Variants in ZNF292 observed in about 807,000 individuals in gnomAD.
The protein encoded by ZNF292 is zinc finger protein 292, also known as 16 zinc-finger domain protein.
Under a neutral mutation model 217.9 loss-of-function variants are expected in ZNF292, and 26 were observed. The observed-to-expected ratio is 0.12, with a 90% CI of 0.09 to 0.17. ZNF292 has a LOEUF of 0.17. ZNF292 is among the 10% of genes least tolerant of loss of function. The pLI, the probability that ZNF292 is intolerant of heterozygous loss-of-function variation, is 1.00. For synonymous variants in ZNF292, 1,257 were observed against 1,124.1 expected (o/e 1.12, Z -2.37); for missense variants, 2,904 against 3,175.2 (o/e 0.91, Z 2.05).
At position 87,254,812 on chromosome 6, in the gene ZNF292, C is replaced by T; in HGVS notation, c.1183C>T (p.Leu395Phe). Residue 395 changes from leucine (L) to phenylalanine (F), a missense_variant, in exon 8 of 8, where the codon CTT (leucine) becomes TTT (phenylalanine). Transcript: ENST00000369577. ...ACGTGCTTGTCAACTGAGTGAATTT[C>T]TTATTGAGCCTACAGTAGATGCGTA... ...VKRACQLSEF[L>F]IEPTVDAYYA... 6.2e-7 allele frequency: 1 copy of T among 1,613,862 alleles called. No homozygotes were observed.
At chr6:87,247,728 G>A (rs1385155251) in intron 7 of ZNF292, among the ~76,000 whole-genome samples, 1 of 151,922 alleles carries the variant, frequency 6.6e-6, no homozygotes, top group Non-Finnish European at 1.5e-5. Flanking sequence ...TTTCAGCAAA[G>A]GAATAATAGG....
At chr6:87,214,504 A>G (rs1772644368) in intron 1 of ZNF292, among the ~76,000 whole-genome samples, 1 of 152,106 alleles carries the variant, frequency 6.6e-6, no homozygotes, top group South Asian at 2.1e-4. Flanking sequence ...TCTGGGAAAG[A>G]TTGCAGTGTT....
chr6:87,169,342 C>G (rs9362401), intron 1 of ZNF292, among the ~76,000 whole-genome samples: 95,434 of 151,434 alleles, frequency 0.63, 31,597 homozygotes, highest in African/African-American at 0.84. Flanking sequence ...CGCCCAGCCT[C>G]CTTTTTTTTT....
At chr6:87,166,772 A>G (rs761204861) in intron 1 of ZNF292, among the ~76,000 whole-genome samples, 1 of 152,184 alleles carries the variant, frequency 6.6e-6, no homozygotes, top group Non-Finnish European at 1.5e-5. Context: ...ATAAATATGT[A>G]TGCATTTGTT....
intron 5 of ZNF292, among the ~76,000 whole-genome samples, chr6:87,234,558 CAAA>C (rs1038739720): frequency 8.4e-6 from 1 of 118,354 alleles, no homozygotes; most frequent in Non-Finnish European, 1.8e-5. Context: ...GACTCTGTCG[CAAA>C]AAAAAAAAAA....
Position 87,253,242 on chromosome 6 carries a change from T to TTG in ZNF292, c.1021-1408_1021-1407insTG, listed in dbSNP as rs1197544803. 2.2e-3 allele frequency among the ~76,000 whole-genome samples: 295 copies of TTG among 134,698 alleles called. 2 individuals carry two copies. The highest frequency in any genetic ancestry group is 8.3e-3 in the African/African-American group (287 of 34,708). 88.4% of individuals were successfully genotyped at this position (134,698 alleles called of 152,430 possible). A position where few individuals can be genotyped will look rare whatever the true frequency, so the allele number is the denominator to read the frequency against. On this transcript the variant is annotated intron_variant, in intron 7 of 7. Transcript: ENST00000369577. ...AGCCTTTTTTTTTTTTTTTTTTTTT[T>TTG]GAGACAGGGTCTCACTTTTGTCATG...
intron 2 of ZNF292, 111 bp downstream of exon 2, chr6:87,216,168 T>C: frequency 7.6e-7 from 1 of 1,324,048 alleles, no homozygotes; most frequent in Non-Finnish European, 1.0e-6. Flanking sequence ...ACATTAAATC[T>C]CAAGTCTTAT....
At chr6:87,165,869 C>T (rs184661034) in intron 1 of ZNF292, among the ~76,000 whole-genome samples, 2 of 151,842 alleles carry the variant, frequency 1.3e-5, no homozygotes, top group African/African-American at 2.4e-5. Flanking sequence ...GCGATTCTCC[C>T]GCCTCAGCTT....
At chr6:87,186,885 T>C (rs1386005988) in intron 1 of ZNF292, among the ~76,000 whole-genome samples, 1 of 152,208 alleles carries the variant, frequency 6.6e-6, no homozygotes, top group African/African-American at 2.4e-5. Flanking sequence ...TTAAAGTTTC[T>C]CTGAACGCGT....
chr6:87,175,694 C>A (rs896678098), intron 1 of ZNF292, among the ~76,000 whole-genome samples: 1 of 152,156 alleles, frequency 6.6e-6, no homozygotes, highest in Non-Finnish European at 1.5e-5. Flanking sequence ...TACTTGTAGA[C>A]CTGCATAGCA....
intron 4 of ZNF292, among the ~76,000 whole-genome samples, chr6:87,227,138 C>T (rs953624379): frequency 1.6e-4 from 24 of 152,054 alleles, no homozygotes; most frequent in Admixed American, 1.5e-3. Context: ...ATTCTATTTC[C>T]TGAAAATGTA....
chr6:87,211,251 T>G (rs900678580), intron 1 of ZNF292, among the ~76,000 whole-genome samples: 1 of 152,238 alleles, frequency 6.6e-6, no homozygotes, highest in African/African-American at 2.4e-5. Flanking sequence ...TTCTGTCTTA[T>G]AGGAAACAGG....
In ZNF292 at chr6:87,233,508, A is replaced by G; in HGVS notation, c.722A>G (p.Asn241Ser). 2 of 1,610,930 alleles carry G rather than the reference A, an allele frequency of 1.2e-6. No homozygotes were observed. Among genetic ancestry groups the G allele is most frequent in the African/African-American group, 1.3e-5 (1 of 75,044 alleles). The change falls in exon 5 of 8, where the codon AAT becomes AGT. Residue 241 changes from asparagine to serine, a missense_variant. Physicochemically the swap from Asn to Ser is conservative, Grantham distance 46 (BLOSUM62 1). Coordinates refer to ENST00000369577, the MANE Select transcript of ZNF292 (RefSeq NM_015021.3). ...YLVCLCTSSPNGKLIEEISEV... is the reference protein window; with the variant it reads ...YLVCLCTSSPSGKLIEEISEV... ...GTCTGTCTTTGTACATCATCACCAA[A>G]TGGAAAGTTAATCGAAGAGGTGAGT...
Position 87,260,694 on chromosome 6 carries a change from G to T in ZNF292, c.7065G>T (p.Lys2355Asn). 4 of 1,613,148 alleles carry T rather than the reference G, an allele frequency of 2.5e-6. No homozygotes were observed. Among genetic ancestry groups the T allele is most frequent in the Non-Finnish European group, 3.4e-6 (4 of 1,179,584 alleles). Reference sequence around the variant, plus strand: ...AGATTGTGCAGATTGAAGAAAATAAGCCTTATTCTCTGAAACGTGGGAAGC... The same window carrying T: ...AGATTGTGCAGATTGAAGAAAATAATCCTTATTCTCTGAAACGTGGGAAGC... ...NAKIVQIEEN[K>N]PYSLKRGKHV... The change falls in exon 8 of 8, where the codon AAG becomes AAT. Residue 2355 changes from lysine to asparagine, a missense_variant. Around this residue, in one of 15 missense-constraint regions of ZNF292, gnomAD observed 101 missense variants for 89.5 expected, o/e 1.13. Transcript: ENST00000369577.
intron 1 of ZNF292, among the ~76,000 whole-genome samples, chr6:87,200,409 A>G (rs1428275137): frequency 6.6e-6 from 1 of 152,206 alleles, no homozygotes; most frequent in African/African-American, 2.4e-5. Flanking sequence ...TATGAGAATT[A>G]ATTCAGTGGA....
At position 87,261,752 on chromosome 6, in the gene ZNF292, T is replaced by A; in HGVS notation, c.8123T>A (p.Val2708Asp). 6.2e-7 allele frequency: 1 copy of A among 1,612,868 alleles called. No homozygotes were observed. Among genetic ancestry groups the A allele is most frequent in the Non-Finnish European group, 8.5e-7 (1 of 1,179,182 alleles). The change falls in exon 8 of 8, where the codon GTT (valine) becomes GAT (aspartate). Residue 2708 changes from valine to aspartate, a missense_variant. Physicochemically the swap from Val to Asp is radical, Grantham distance 152. This residue lies in a region of ZNF292 where 380 missense variants were observed against 355.3 expected (regional missense o/e 1.07). Coordinates refer to ENST00000369577, the MANE Select transcript of ZNF292 (RefSeq NM_015021.3). ...CATTCAAATGATCCAGATATGTCTG[T>A]TATGAAAGATATCAGTATAGGTAAA... The part of the protein sequence containing the change: ...EVHSNDPDMS[V>D]MKDISIGKAT...
At chr6:87,186,489 G>A (rs1444465065) in intron 1 of ZNF292, among the ~76,000 whole-genome samples, 1 of 152,188 alleles carries the variant, frequency 6.6e-6, no homozygotes, top group Non-Finnish European at 1.5e-5. Flanking sequence ...CTTCAATATA[G>A]GAGAGCTCAG....
intron 7 of ZNF292, among the ~76,000 whole-genome samples, chr6:87,252,178 T>G (rs1774955237): frequency 6.6e-6 from 1 of 152,014 alleles, no homozygotes; most frequent in South Asian, 2.1e-4. Flanking sequence ...TGAGACGTTG[T>G]TTTGCTCTCG....
At position 87,245,609 on chromosome 6, in the gene ZNF292, C is replaced by T. The variant is rs1378131169; in HGVS notation, c.985C>T (p.His329Tyr). 1 of 1,532,652 alleles carries T rather than the reference C, an allele frequency of 6.5e-7. No homozygotes were observed. The highest frequency in any genetic ancestry group is 1.9e-5 in the Admixed American group (1 of 52,156). 94.9% of individuals were successfully genotyped at this position (1,532,652 alleles called of 1,614,324 possible). Residue 329 changes from histidine (H) to tyrosine (Y), a missense_variant, in exon 7 of 8, where the codon CAC (histidine) becomes TAC (tyrosine). Around this residue, in one of 15 missense-constraint regions of ZNF292, gnomAD observed 313 missense variants for 451.0 expected, o/e 0.69. Transcript: ENST00000369577. ...TTCTTTGTTAACGAAAACAGTATAT[C>T]ACATTTTCTTCCTGATTAAAGTTAT... is the stretch of plus-strand genomic sequence containing the variant. Reference protein sequence around the residue: ...QLSLLTKTVYHIFFLIKVINS... With the variant: ...QLSLLTKTVYYIFFLIKVINS...
Sources: allele counts gnomAD v4.1 joint callset (sites outside exome capture counted in the v4.1 genomes callset), GRCh38; gene constraint gnomAD v4.1.1; regional missense constraint gnomAD v4.1.1; transcripts MANE v1.5; gene names NCBI Gene and HGNC (gene_info 2026-07-23, HGNC 2026-07-21).